GMDS: variants seen among roughly 807,000 people sequenced by gnomAD.
GMDS encodes the protein GDP-mannose 4,6 dehydratase.
A neutral mutation model predicts 49.9 loss-of-function variants in GMDS; 20 were observed. The observed-to-expected ratio is 0.40, with a 90% confidence interval of 0.28 to 0.58. The LOEUF (loss-of-function observed/expected upper bound fraction) is 0.58. Ranked by LOEUF, GMDS falls within the 20% of genes least tolerant of loss-of-function variation. The probability of loss-of-function intolerance (pLI) is 0.42; values close to 1 mark genes in which losing one functional copy is unlikely to be tolerated. For missense variants in GMDS, 362 were observed against 481.4 expected, an observed-to-expected ratio of 0.75 and a Z score of 2.32; for synonymous variants, 177 against 178.6, an observed-to-expected ratio of 0.99 and a Z score of 0.07.
At chr6:1,786,575 T>C (rs1338063046) in intron 7 of GMDS, among the ~76,000 whole-genome samples, 1 of 152,124 alleles carries the variant, frequency 6.6e-6, no homozygotes, top group Non-Finnish European at 1.5e-5. Flanking sequence ...CCTGAGTTTG[T>C]GATGGTTCAG....
chr6:1,958,051 C>T (rs1763737172), intron 6 of GMDS, among the ~76,000 whole-genome samples: 3 of 151,564 alleles, frequency 2.0e-5, no homozygotes, highest in Admixed American at 1.3e-4. Flanking sequence ...AGTGATCCCC[C>T]GAACTTAGCT....
intron 9 of GMDS, among the ~76,000 whole-genome samples, chr6:1,708,870 T>C (rs907142803): frequency 1.3e-5 from 2 of 152,212 alleles, no homozygotes; most frequent in Non-Finnish European, 2.9e-5. Flanking sequence ...AGTAAGTGTG[T>C]CCAGTCATAC....
chr6:1,718,044 G>A (rs1475160143), intron 9 of GMDS, among the ~76,000 whole-genome samples: 1 of 152,154 alleles, frequency 6.6e-6, no homozygotes, highest in African/African-American at 2.4e-5. Context: ...TGTGTATGCT[G>A]TGAATTATTA....
chr6:1,982,225 GA>G, intron 4 of GMDS, among the ~76,000 whole-genome samples: 1 of 152,264 alleles, frequency 6.6e-6, no homozygotes, highest in African/African-American at 2.4e-5. Flanking sequence ...AGAATCACTT[GA>G]ATCTGGGAGG....
intron 7 of GMDS, among the ~76,000 whole-genome samples, chr6:1,783,383 T>G (rs1426109786): frequency 6.6e-6 from 1 of 152,208 alleles, no homozygotes; most frequent in Non-Finnish European, 1.5e-5. Context: ...ATCTATTTAC[T>G]TGGGCATGTC....
chr6:2,004,966 AT>A (rs1210546497), intron 4 of GMDS, among the ~76,000 whole-genome samples: 1 of 152,218 alleles, frequency 6.6e-6, no homozygotes, highest in Non-Finnish European at 1.5e-5. Flanking sequence ...CAATCCACAG[AT>A]TTAATAACCA....
intron 4 of GMDS, among the ~76,000 whole-genome samples, chr6:2,071,113 C>G (rs1771964909): frequency 6.6e-6 from 1 of 152,162 alleles, no homozygotes; most frequent in South Asian, 2.1e-4. Flanking sequence ...CACATCTGTT[C>G]TGAAGAACAT....
At chr6:1,788,707 A>G (rs1393373447) in intron 7 of GMDS, among the ~76,000 whole-genome samples, 1 of 152,228 alleles carries the variant, frequency 6.6e-6, no homozygotes, top group Non-Finnish European at 1.5e-5. Flanking sequence ...ATTTGGCTCA[A>G]ATGCTGTTAA....
intron 9 of GMDS, among the ~76,000 whole-genome samples, chr6:1,659,932 C>T (rs1307241190): frequency 6.6e-6 from 1 of 151,458 alleles, no homozygotes; most frequent in Non-Finnish European, 1.5e-5. Flanking sequence ...TATATGTTAA[C>T]CAGAAAAAGG....
At chr6:1,894,050 G>A (rs184531720) in intron 7 of GMDS, among the ~76,000 whole-genome samples, 2 of 152,264 alleles carry the variant, frequency 1.3e-5, no homozygotes, top group East Asian at 1.9e-4. Flanking sequence ...AGAGGTCACC[G>A]GAACTGATGA....
At chr6:2,153,323 G>C (rs1035624745) in intron 1 of GMDS, among the ~76,000 whole-genome samples, 1 of 151,698 alleles carries the variant, frequency 6.6e-6, no homozygotes, top group African/African-American at 2.4e-5. Flanking sequence ...GATCATAAAG[G>C]AAAAAGACTG....
intron 9 of GMDS, among the ~76,000 whole-genome samples, chr6:1,673,502 T>C (rs575973535): frequency 8.0e-4 from 122 of 152,194 alleles, no homozygotes; most frequent in African/African-American, 2.8e-3. Context: ...CTATTAACAA[T>C]ATATCTCAGA....
chr6:2,042,616 T>A (rs1014321126), intron 4 of GMDS, among the ~76,000 whole-genome samples: 5 of 152,278 alleles, frequency 3.3e-5, no homozygotes, highest in Admixed American at 1.3e-4. Flanking sequence ...CTTAAAAAAT[T>A]TTTTTTAAGT....
intron 4 of GMDS, among the ~76,000 whole-genome samples, chr6:2,056,135 A>G (rs1248714051): frequency 6.6e-6 from 1 of 152,122 alleles, no homozygotes; most frequent in East Asian, 1.9e-4. Context: ...AATAAGAAAC[A>G]TATGTCTCCT....
chr6:2,084,652 G>A (rs547077241), intron 4 of GMDS, among the ~76,000 whole-genome samples: 163 of 152,022 alleles, frequency 1.1e-3, no homozygotes, highest in African/African-American at 3.3e-3. Flanking sequence ...GACTACAGGC[G>A]CCCGCCACCA....
intron 1 of GMDS, among the ~76,000 whole-genome samples, chr6:2,149,132 A>C (rs1776719190): frequency 6.6e-6 from 1 of 152,096 alleles, no homozygotes; most frequent in African/African-American, 2.4e-5. Context: ...CTGCTTGCTC[A>C]AAGTTATCCC....
At chr6:1,822,483 G>A (rs541140642) in intron 7 of GMDS, among the ~76,000 whole-genome samples, 9 of 152,248 alleles carry the variant, frequency 5.9e-5, no homozygotes, top group Middle Eastern at 3.4e-3. Context: ...ATAATCTGAC[G>A]AATTCCAAGA....
intron 1 of GMDS, among the ~76,000 whole-genome samples, chr6:2,167,135 A>T (rs567275240): frequency 4.6e-4 from 70 of 152,286 alleles, no homozygotes; most frequent in African/African-American, 9.9e-4. Context: ...TACCTAATTC[A>T]GTGGACATTT....
chr6:1,656,669 C>G (rs1763892151), intron 9 of GMDS, among the ~76,000 whole-genome samples: 1 of 151,592 alleles, frequency 6.6e-6, no homozygotes, highest in South Asian at 2.1e-4. Context: ...GAGGCTGAGG[C>G]AGGAGAATCG....
Sources: gnomAD v4.1 joint callset for allele counts (sites outside exome capture counted in the v4.1 genomes callset) on GRCh38, gnomAD v4.1.1 for gene constraint, MANE v1.5 for transcripts, NCBI Gene and HGNC (gene_info 2026-07-23, HGNC 2026-07-21) for gene names.